The following MAPRE2 variants were observed in gnomAD, a reference collection of about 807,000 sequenced individuals.
The protein encoded by MAPRE2 is microtubule-associated protein RP/EB family member 2.
Under a neutral mutation model 43.2 loss-of-function variants are expected in MAPRE2, and 13 were observed. The observed-to-expected ratio is 0.30, with a 90% CI of 0.20 to 0.48. The LOEUF (loss-of-function observed/expected upper bound fraction) is 0.48. Among genes scored for constraint, MAPRE2 ranks in the 20% least tolerant of loss-of-function variants. The pLI, the probability that MAPRE2 is intolerant of heterozygous loss-of-function variation, is 0.99. For synonymous variants in MAPRE2, 135 were observed against 148.8 expected (o/e 0.91, Z 0.68); for missense variants, 161 against 400.2 (o/e 0.40, Z 5.10).
chr18:35,071,864 A>G (rs768652701), intron 2 of MAPRE2, among the ~76,000 whole-genome samples: 1 of 152,254 alleles, frequency 6.6e-6, no homozygotes, highest in East Asian at 1.9e-4. Flanking sequence ...GCCAGAACTT[A>G]GGCGTTGCCT....
At chr18:35,091,799 A>G (rs971900196) in intron 2 of MAPRE2, among the ~76,000 whole-genome samples, 1 of 152,178 alleles carries the variant, frequency 6.6e-6, no homozygotes, top group African/African-American at 2.4e-5. Flanking sequence ...GTAGTAGCCA[A>G]AATAACATCA....
chr18:35,113,933 A>G (rs1007229646), intron 4 of MAPRE2, among the ~76,000 whole-genome samples: 3 of 152,124 alleles, frequency 2.0e-5, no homozygotes, highest in Non-Finnish European at 2.9e-5. Flanking sequence ...AATATTAGCA[A>G]ATATTTATTG....
intron 1 of MAPRE2, 33 bp downstream of exon 1, chr18:35,041,694 A>G (rs1405610370): frequency 6.2e-7 from 1 of 1,613,710 alleles, no homozygotes; most frequent in South Asian, 1.1e-5. Flanking sequence ...AGCGCCGGGG[A>G]CCGCCGTGAG....
At chr18:34,980,668 G>C (rs1200054643) in intron 1 of MAPRE2, among the ~76,000 whole-genome samples, 2 of 152,110 alleles carry the variant, frequency 1.3e-5, no homozygotes, top group Non-Finnish European at 2.9e-5. Flanking sequence ...TAGCTTATTT[G>C]TTCACTTACA....
upstream of MAPRE2, chr18:35,041,271 T>C (rs1200092145): frequency 6.0e-6 from 8 of 1,341,434 alleles, no homozygotes; most frequent in African/African-American, 5.9e-5. Flanking sequence ...GCCGCGACCC[T>C]GTGCGAATTG....
At chr18:35,093,918 C>G (rs1042153198) in intron 2 of MAPRE2, among the ~76,000 whole-genome samples, 1 of 152,146 alleles carries the variant, frequency 6.6e-6, no homozygotes, top group Non-Finnish European at 1.5e-5. Context: ...GCTCTCAAAT[C>G]CCAGGAGTGT....
At chr18:35,083,287 T>G (rs1480399398) in intron 2 of MAPRE2, among the ~76,000 whole-genome samples, 2 of 152,202 alleles carry the variant, frequency 1.3e-5, no homozygotes, top group Non-Finnish European at 2.9e-5. Flanking sequence ...AATACGTGAG[T>G]GCACATGTGG....
intron 1 of MAPRE2, among the ~76,000 whole-genome samples, chr18:35,001,031 G>A (rs1229469549): frequency 6.6e-6 from 1 of 152,134 alleles, no homozygotes; most frequent in Non-Finnish European, 1.5e-5. Context: ...GGTTGAGGGT[G>A]CAGTACATTG....
rs1910322550 is a variant in MAPRE2 at position 35,134,934 on chromosome 18, GAGAC to G, written c.909+2748_909+2751del. Among the ~76,000 whole-genome samples, 3 of 152,324 alleles carry G rather than the reference GAGAC, an allele frequency of 2.0e-5. No homozygotes were observed. The South Asian group carries it at 6.2e-4, about 32-fold the overall frequency. ...TTAAGGGAAGGAAGAGAGAGGGAAA[GAGAC>G]AGAGGCATTGCCCTGTAAGTATATG... is the stretch of plus-strand genomic sequence containing the variant. On this transcript the variant is annotated intron_variant, in intron 6 of 6. Coordinates refer to ENST00000300249, the MANE Select transcript of MAPRE2 (RefSeq NM_014268.4).
At chr18:35,022,398 A>G (rs2097042449) in intron 2 of MAPRE2, among the ~76,000 whole-genome samples, 1 of 99,874 alleles carries the variant, frequency 1.0e-5, no homozygotes, top group South Asian at 3.6e-4. Context: ...AGTATTTTTT[A>G]TCATAAGATA....
At chr18:35,139,200 CGACA>C (rs1031088311) in intron 6 of MAPRE2, among the ~76,000 whole-genome samples, 3 of 152,092 alleles carry the variant, frequency 2.0e-5, no homozygotes, top group Non-Finnish European at 4.4e-5. Flanking sequence ...AAGAGGGGCC[CGACA>C]GACAGGGAAG....
upstream of MAPRE2, among the ~76,000 whole-genome samples, chr18:35,037,915 G>A (rs962765290): frequency 7.2e-5 from 11 of 152,200 alleles, no homozygotes; most frequent in Non-Finnish European, 1.0e-4. Context: ...AGGGTTGGGA[G>A]AGTAGGGGCC....
chr18:35,062,252 T>C (rs1274310307), intron 1 of MAPRE2, among the ~76,000 whole-genome samples: 1 of 152,244 alleles, frequency 6.6e-6, no homozygotes, highest in Non-Finnish European at 1.5e-5. Context: ...GAAAAACTTT[T>C]GAGGTTTCTT....
At chr18:35,130,033 A>C (rs766579756) in intron 5 of MAPRE2, among the ~76,000 whole-genome samples, 10 of 152,186 alleles carry the variant, frequency 6.6e-5, no homozygotes, top group Non-Finnish European at 1.5e-4. Flanking sequence ...CCTGATTTGC[A>C]CTAAAGGGTT....
chr18:34,995,589 G>A (rs1355857455), intron 1 of MAPRE2, among the ~76,000 whole-genome samples: 1 of 152,330 alleles, frequency 6.6e-6, no homozygotes, highest in East Asian at 1.9e-4. Flanking sequence ...AACTCTGGGT[G>A]AGTATGTTAC....
intron 1 of MAPRE2, among the ~76,000 whole-genome samples, chr18:34,986,089 G>T (rs905097031): frequency 1.3e-5 from 2 of 152,048 alleles, no homozygotes; most frequent in Admixed American, 6.6e-5. Context: ...GAAGTAGGTA[G>T]GAGGTAGGTA....
At chr18:35,035,329 AG>A (rs913677648) in intron 2 of MAPRE2, among the ~76,000 whole-genome samples, 1 of 134,300 alleles carries the variant, frequency 7.4e-6, no homozygotes, top group East Asian at 2.3e-4. Flanking sequence ...ACATGGACAA[AG>A]GAGGGGGAAC....
chr18:35,055,569 G>A (rs1301787985), intron 1 of MAPRE2, among the ~76,000 whole-genome samples: 4 of 151,884 alleles, frequency 2.6e-5, no homozygotes, highest in African/African-American at 9.7e-5. Context: ...GTGTGTATGT[G>A]TGTGTGTGTG....
chr18:35,038,061 G>A (rs1472123402), upstream of MAPRE2, among the ~76,000 whole-genome samples: 1 of 152,178 alleles, frequency 6.6e-6, no homozygotes, highest in East Asian at 1.9e-4. Flanking sequence ...CTCTACAGAT[G>A]TGGCCCTTGC....
Sources: gnomAD v4.1 joint callset for allele counts (sites outside exome capture counted in the v4.1 genomes callset) on GRCh38, gnomAD v4.1.1 for gene constraint, MANE v1.5 for transcripts, NCBI Gene and HGNC (gene_info 2026-07-23, HGNC 2026-07-21) for gene names.